The following KCNQ3 variants were observed in gnomAD, a reference collection of about 807,000 sequenced individuals.
The protein encoded by KCNQ3 is potassium voltage-gated channel subfamily Q member 3, also known as potassium voltage-gated channel subfamily KQT member 3.
A neutral mutation model predicts 92.5 loss-of-function variants in KCNQ3; 30 were observed. The ratio of observed to expected loss-of-function variants is 0.32; its 90% CI spans 0.24 to 0.44. The LOEUF (loss-of-function observed/expected upper bound fraction) is 0.44. Ranked by LOEUF, KCNQ3 falls within the 20% of genes least tolerant of loss-of-function variation. KCNQ3 has a pLI of 1.00. For synonymous variants in KCNQ3, 450 were observed against 468.8 expected (o/e 0.96, Z 0.52); for missense variants, 913 against 1,140.3 (o/e 0.80, Z 2.87).
At chr8:132,296,731 A>G (rs1404287215) in intron 1 of KCNQ3, among the ~76,000 whole-genome samples, 2 of 152,140 alleles carry the variant, frequency 1.3e-5, no homozygotes, top group Non-Finnish European at 1.5e-5. Flanking sequence ...TTCATTTTTC[A>G]TGGCTGCATA....
chr8:132,381,944 T>G (rs1173305971), intron 1 of KCNQ3, among the ~76,000 whole-genome samples: 1 of 152,228 alleles, frequency 6.6e-6, no homozygotes, highest in East Asian at 1.9e-4. Flanking sequence ...TCTGGGCTGG[T>G]CAGCCAAATC....
intron 1 of KCNQ3, among the ~76,000 whole-genome samples, chr8:132,276,371 G>A (rs1359014748): frequency 1.3e-5 from 2 of 152,096 alleles, no homozygotes; most frequent in African/African-American, 4.8e-5. Context: ...AGGAGTGACA[G>A]GGGAGCTGTC....
chr8:132,309,335 C>T (rs1161763783), intron 1 of KCNQ3, among the ~76,000 whole-genome samples: 1 of 152,170 alleles, frequency 6.6e-6, no homozygotes, highest in Non-Finnish European at 1.5e-5. Flanking sequence ...TCCTGCTGCT[C>T]ATTAATTCAT....
intron 1 of KCNQ3, among the ~76,000 whole-genome samples, chr8:132,310,422 G>A (rs141917198): frequency 7.2e-5 from 11 of 152,304 alleles, no homozygotes; most frequent in African/African-American, 1.9e-4. Context: ...CAGTCTCCAC[G>A]AGGAGTGCAG....
chr8:132,422,362 C>T (rs917309613), intron 1 of KCNQ3, among the ~76,000 whole-genome samples: 2 of 152,176 alleles, frequency 1.3e-5, no homozygotes, highest in Admixed American at 1.3e-4. Context: ...CTCCAGTGAT[C>T]GCTGACCTGG....
chr8:132,321,833 T>C (rs1383478229), intron 1 of KCNQ3, among the ~76,000 whole-genome samples: 1 of 152,146 alleles, frequency 6.6e-6, no homozygotes, highest in African/African-American at 2.4e-5. Context: ...ATCTGACTTG[T>C]TCTTTAAGAT....
At chr8:132,140,039 A>T in intron 11 of KCNQ3, 37 bp downstream of exon 11, 1 of 1,362,344 alleles carries the variant, frequency 7.3e-7, no homozygotes, top group Non-Finnish European at 1.0e-6. Context: ...GGAGCGGGGG[A>T]GGCACACAGG....
intron 1 of KCNQ3, among the ~76,000 whole-genome samples, chr8:132,410,500 A>C (rs1052725703): frequency 6.6e-6 from 1 of 152,236 alleles, no homozygotes; most frequent in African/African-American, 2.4e-5. Flanking sequence ...GAGCTCAATT[A>C]TGAGTGGCTC....
chr8:132,185,621 G>A (rs955975306), intron 2 of KCNQ3, among the ~76,000 whole-genome samples: 2 of 152,204 alleles, frequency 1.3e-5, no homozygotes, highest in Non-Finnish European at 1.5e-5. Flanking sequence ...GACAGAGAGT[G>A]AAAACAAATG....
chr8:132,314,931 T>C (rs1391037251), intron 1 of KCNQ3, among the ~76,000 whole-genome samples: 1 of 152,158 alleles, frequency 6.6e-6, no homozygotes, highest in Admixed American at 6.6e-5. Flanking sequence ...ACAACAACCA[T>C]ATTCAGACAT....
intron 1 of KCNQ3, among the ~76,000 whole-genome samples, chr8:132,250,005 A>C (rs1179352764): frequency 6.6e-6 from 1 of 152,112 alleles, no homozygotes; most frequent in East Asian, 1.9e-4. Flanking sequence ...CCACGAGTGC[A>C]CTGCACAGCC....
intron 1 of KCNQ3, among the ~76,000 whole-genome samples, chr8:132,459,065 T>C (rs1822004972): frequency 6.6e-6 from 1 of 152,314 alleles, no homozygotes; most frequent in East Asian, 1.9e-4. Flanking sequence ...ATGACCTTGA[T>C]AGTTTTGAAG....
intron 1 of KCNQ3, among the ~76,000 whole-genome samples, chr8:132,186,962 G>GAGAC (rs1554629041): frequency 3.6e-5 from 5 of 137,638 alleles, no homozygotes; most frequent in East Asian, 2.0e-4. Context: ...GAGACAGAGA[G>GAGAC]AGAGAGAGAG....
At chr8:132,255,842 TA>T (rs1343797692) in intron 1 of KCNQ3, among the ~76,000 whole-genome samples, 4 of 152,214 alleles carry the variant, frequency 2.6e-5, no homozygotes, top group Admixed American at 2.6e-4. Context: ...AAAATTCATT[TA>T]AAAATTACAT....
intron 1 of KCNQ3, among the ~76,000 whole-genome samples, chr8:132,407,612 G>A (rs1820526220): frequency 6.6e-6 from 1 of 152,102 alleles, no homozygotes; most frequent in Non-Finnish European, 1.5e-5. Flanking sequence ...TTCTCCCTGG[G>A]ACACCCTTCC....
intron 1 of KCNQ3, among the ~76,000 whole-genome samples, chr8:132,468,348 G>C (rs1304180850): frequency 6.6e-6 from 1 of 152,144 alleles, no homozygotes; most frequent in East Asian, 1.9e-4. Flanking sequence ...TCCTAGCCCA[G>C]GACTTTCAAG....
intron 13 of KCNQ3, among the ~76,000 whole-genome samples, chr8:132,133,869 G>C (rs1824970384): frequency 6.6e-6 from 1 of 152,178 alleles, no homozygotes; most frequent in African/African-American, 2.4e-5. Flanking sequence ...TGTTGTCAGG[G>C]GGCTGATATC....
At chr8:132,461,155 T>C (rs927671777) in intron 1 of KCNQ3, among the ~76,000 whole-genome samples, 2 of 152,238 alleles carry the variant, frequency 1.3e-5, no homozygotes, top group Non-Finnish European at 2.9e-5. Context: ...GTTGCATTGT[T>C]CTTGGCAATT....
intron 1 of KCNQ3, among the ~76,000 whole-genome samples, chr8:132,293,823 A>G (rs1816929599): frequency 6.6e-6 from 1 of 152,196 alleles, no homozygotes; most frequent in East Asian, 1.9e-4. Flanking sequence ...GGCAGCAAGC[A>G]AATCACACAG....
Sources: allele counts gnomAD v4.1 joint callset (sites outside exome capture counted in the v4.1 genomes callset), GRCh38; gene constraint gnomAD v4.1.1; transcripts MANE v1.5; gene names NCBI Gene and HGNC (gene_info 2026-07-23, HGNC 2026-07-21).